NTRK3: variants seen among roughly 807,000 people sequenced by gnomAD.
NTRK3 encodes the protein NT-3 growth factor receptor.
Under a neutral mutation model 91.7 loss-of-function variants are expected in NTRK3, and 24 were observed. The ratio of observed to expected loss-of-function variants is 0.26; its 90% CI spans 0.19 to 0.37. The LOEUF is 0.37. Ranked by LOEUF, NTRK3 falls within the 10% of genes least tolerant of loss-of-function variation. The probability of loss-of-function intolerance (pLI) is 1.00; values close to 1 mark genes in which losing one functional copy is unlikely to be tolerated. For missense variants in NTRK3, 880 were observed against 1,068.9 expected, an observed-to-expected ratio of 0.82 and a Z score of 2.46; for synonymous variants, 483 against 404.0, an observed-to-expected ratio of 1.20 and a Z score of -2.34.
intron 3 of NTRK3, among the ~76,000 whole-genome samples, chr15:88,215,180 A>G (rs1414873822): frequency 6.6e-6 from 1 of 152,156 alleles, no homozygotes; most frequent in Non-Finnish European, 1.5e-5. Context: ...GTAACTCCAA[A>G]ATTTGGCAAT....
chr15:87,950,685 A>G (rs2071024346), intron 14 of NTRK3, among the ~76,000 whole-genome samples: 1 of 152,202 alleles, frequency 6.6e-6, no homozygotes, highest in Non-Finnish European at 1.5e-5. Flanking sequence ...TTGACTTGCC[A>G]TGAGGATTCA....
intron 10 of NTRK3, among the ~76,000 whole-genome samples, chr15:88,131,020 C>G (rs1341570994): frequency 2.0e-5 from 3 of 152,114 alleles, no homozygotes; most frequent in Non-Finnish European, 4.4e-5. Flanking sequence ...AATATGAATT[C>G]CAAACTATTT....
intron 14 of NTRK3, among the ~76,000 whole-genome samples, chr15:87,983,715 C>T (rs937452044): frequency 2.6e-5 from 4 of 152,144 alleles, no homozygotes; most frequent in South Asian, 4.1e-4. Context: ...CTTTGCAATA[C>T]GGATCTCATT....
At chr15:87,969,728 A>G (rs2073103533) in intron 14 of NTRK3, among the ~76,000 whole-genome samples, 1 of 151,994 alleles carries the variant, frequency 6.6e-6, no homozygotes, top group African/African-American at 2.4e-5. Context: ...CTGGAGAATG[A>G]CCCCTCAAGC....
intron 14 of NTRK3, among the ~76,000 whole-genome samples, chr15:87,952,125 T>C (rs2071168475): frequency 7.4e-6 from 1 of 134,532 alleles, no homozygotes; most frequent in Non-Finnish European, 1.6e-5. Flanking sequence ...AGATTCCATT[T>C]CAAAAGAAAG....
chr15:87,935,297 G>A (rs531572504), intron 15 of NTRK3, among the ~76,000 whole-genome samples: 1 of 152,274 alleles, frequency 6.6e-6, no homozygotes, highest in Admixed American at 6.5e-5. Context: ...ATAGGGCAAG[G>A]ACATGTGATC....
At chr15:87,984,000 C>T (rs549305291) in intron 14 of NTRK3, among the ~76,000 whole-genome samples, 1 of 152,220 alleles carries the variant, frequency 6.6e-6, no homozygotes, top group South Asian at 2.1e-4. Flanking sequence ...CTGGGACCTT[C>T]CAGATAAGGA....
chr15:88,178,469 C>G lies in NTRK3; in HGVS notation c.395+4949G>C, dbSNP rs183173343. 1.4e-3 allele frequency among the ~76,000 whole-genome samples: 220 copies of G among 152,294 alleles called. 1 individual carries two copies. Among genetic ancestry groups the G allele is most frequent in the Non-Finnish European group, 2.7e-3 (187 of 68,030 alleles). On this transcript the variant is annotated intron_variant, in intron 5 of 18. Coordinates refer to ENST00000394480, the Ensembl canonical transcript of NTRK3. ...ATAACACAGTTGATACAATCATGCT[C>G]AAATCAGGACATTCTCCATCTTTTA...
At chr15:88,065,395 AG>A (rs1567324638) in intron 13 of NTRK3, among the ~76,000 whole-genome samples, 1 of 152,176 alleles carries the variant, frequency 6.6e-6, no homozygotes, top group Non-Finnish European at 1.5e-5. Flanking sequence ...AACCTTGAAA[AG>A]CCCATATGGT....
intron 3 of NTRK3, among the ~76,000 whole-genome samples, chr15:88,236,768 TAA>T (rs375701404): frequency 9.0e-6 from 1 of 111,206 alleles, no homozygotes; most frequent in African/African-American, 3.2e-5. Flanking sequence ...CTACCAAAAT[TAA>T]AAAAAAAAAA....
intron 13 of NTRK3, among the ~76,000 whole-genome samples, chr15:88,084,266 C>T (rs1345602935): frequency 6.6e-6 from 1 of 152,104 alleles, no homozygotes; most frequent in East Asian, 1.9e-4. Context: ...CACTCCCCTG[C>T]ACCCCAATGG....
intron 3 of NTRK3, among the ~76,000 whole-genome samples, chr15:88,250,345 T>C (rs769604807): frequency 2.0e-5 from 3 of 152,244 alleles, no homozygotes; most frequent in African/African-American, 4.8e-5. Flanking sequence ...TTTCTTGATC[T>C]GTAAAATGGG....
chr15:87,864,754 T>C (rs1596029061), exon 19 of NTRK3: 1 of 229,370 alleles, frequency 4.4e-6, no homozygotes, highest in East Asian at 6.2e-5. Flanking sequence ...CCAGCAAAAA[T>C]TTAAGGAAGA....
intron 3 of NTRK3, among the ~76,000 whole-genome samples, chr15:88,215,357 C>T (rs1056727002): frequency 1.2e-4 from 19 of 152,346 alleles, no homozygotes; most frequent in African/African-American, 4.6e-4. Context: ...CCCCACTGCC[C>T]CACCTGGCCC....
intron 14 of NTRK3, among the ~76,000 whole-genome samples, chr15:87,999,186 A>G (rs913016806): frequency 6.6e-6 from 1 of 152,178 alleles, no homozygotes; most frequent in Non-Finnish European, 1.5e-5. Flanking sequence ...TAAGAGGTGC[A>G]CTGTTAGATC....
At chr15:87,942,443 C>T (rs954185164) in intron 14 of NTRK3, among the ~76,000 whole-genome samples, 1 of 152,294 alleles carries the variant, frequency 6.6e-6, no homozygotes, top group South Asian at 2.1e-4. Flanking sequence ...TCTCCCACTG[C>T]GAGAAAATAG....
At chr15:87,897,359 A>G (rs1331968583) in intron 17 of NTRK3, among the ~76,000 whole-genome samples, 1 of 152,164 alleles carries the variant, frequency 6.6e-6, no homozygotes, top group Non-Finnish European at 1.5e-5. Flanking sequence ...GCCCCCAAGC[A>G]ATGTATTTTT....
At chr15:88,124,586 C>T (rs752742155) in intron 13 of NTRK3, among the ~76,000 whole-genome samples, 2 of 152,178 alleles carry the variant, frequency 1.3e-5, no homozygotes, top group East Asian at 1.9e-4. Context: ...TAAAAGCTCC[C>T]TGCATGGTAG....
intron 13 of NTRK3, among the ~76,000 whole-genome samples, chr15:88,095,389 T>G (rs2049479339): frequency 6.6e-6 from 1 of 152,166 alleles, no homozygotes; most frequent in African/African-American, 2.4e-5. Flanking sequence ...CAACCCTTCC[T>G]AGAGTTTCTG....
Sources: gnomAD v4.1 joint callset for allele counts (sites outside exome capture counted in the v4.1 genomes callset) on GRCh38, gnomAD v4.1.1 for gene constraint, MANE v1.5 for transcripts, NCBI Gene and HGNC (gene_info 2026-07-23, HGNC 2026-07-21) for gene names.